The following RIT2 variants were observed in gnomAD, a reference collection of about 807,000 sequenced individuals.
RIT2 encodes the protein Ras like without CAAX 2.
In RIT2, 24 loss-of-function variants were observed where a neutral mutation model predicts 23.7. The ratio of observed to expected loss-of-function variants is 1.01; its 90% CI spans 0.73 to 1.43. The LOEUF (loss-of-function observed/expected upper bound fraction) is 1.43, where lower values mean the gene tolerates loss of function less well. Among genes scored for constraint, RIT2 ranks in the 40% most tolerant of loss-of-function variants. RIT2 has a pLI of 0.00. For missense variants in RIT2, 236 were observed against 266.9 expected (o/e 0.88, Z 0.81); for synonymous variants, 107 against 91.1 (o/e 1.17, Z -0.99).
intron 4 of RIT2, among the ~76,000 whole-genome samples, chr18:42,828,466 A>C (rs1906366470): frequency 6.6e-6 from 1 of 152,354 alleles, no homozygotes; most frequent in African/African-American, 2.4e-5. Context: ...CAAGGCTATT[A>C]TTTAGTGATA....
At chr18:42,843,986 G>T (rs117744880) in intron 4 of RIT2, among the ~76,000 whole-genome samples, 3,095 of 152,284 alleles carry the variant, frequency 0.02, 89 homozygotes, top group Admixed American at 0.066. Flanking sequence ...AAAAGAGATA[G>T]AGTCTAATTG....
intron 4 of RIT2, among the ~76,000 whole-genome samples, chr18:42,870,771 GAA>G: frequency 6.7e-6 from 1 of 149,686 alleles, no homozygotes; most frequent in South Asian, 2.1e-4. Context: ...GAGATGATAA[GAA>G]AAAAAAAATT....
chr18:43,043,074 T>C (rs916208060), intron 1 of RIT2, among the ~76,000 whole-genome samples: 1 of 152,302 alleles, frequency 6.6e-6, no homozygotes, highest in East Asian at 1.9e-4. Flanking sequence ...TATAGGATTT[T>C]TATTGAAGAC....
intron 4 of RIT2, among the ~76,000 whole-genome samples, chr18:42,884,093 T>C (rs976130495): frequency 1.7e-4 from 26 of 152,178 alleles, no homozygotes; most frequent in African/African-American, 5.8e-4. Context: ...AAAGACGTTC[T>C]CCAGGAGAAA....
At chr18:42,875,148 AT>A (rs1343295532) in intron 4 of RIT2, among the ~76,000 whole-genome samples, 2 of 151,778 alleles carry the variant, frequency 1.3e-5, no homozygotes, top group East Asian at 3.9e-4. Flanking sequence ...CCTGCCATTC[AT>A]TTAGTTTCTC....
intron 4 of RIT2, among the ~76,000 whole-genome samples, chr18:42,853,231 T>C (rs953608978): frequency 1.3e-5 from 2 of 152,194 alleles, no homozygotes; most frequent in African/African-American, 4.8e-5. Flanking sequence ...ATAAAAATGA[T>C]CAAAAAGTAG....
intron 4 of RIT2, among the ~76,000 whole-genome samples, chr18:42,880,009 A>T (rs1907845122): frequency 6.6e-6 from 1 of 152,180 alleles, no homozygotes; most frequent in African/African-American, 2.4e-5. Flanking sequence ...CTTGTAATAT[A>T]TAGTCACCCA....
intron 2 of RIT2, among the ~76,000 whole-genome samples, chr18:43,026,277 C>T (rs927563816): frequency 5.9e-5 from 9 of 151,848 alleles, no homozygotes; most frequent in Admixed American, 2.6e-4. Flanking sequence ...AAAGGTTGGC[C>T]GGGCACGGTG....
At chr18:42,777,126 T>G (rs1913690347) in intron 4 of RIT2, among the ~76,000 whole-genome samples, 1 of 151,980 alleles carries the variant, frequency 6.6e-6, no homozygotes, top group Non-Finnish European at 1.5e-5. Flanking sequence ...TTTGGGTGAA[T>G]AATGTGCTAT....
chr18:43,070,690 T>A (rs572673845), intron 1 of RIT2, among the ~76,000 whole-genome samples: 20 of 152,324 alleles, frequency 1.3e-4, no homozygotes, highest in Admixed American at 1.2e-3. Context: ...ATTAAGTGCA[T>A]CAGCTATTAT....
chr18:42,749,590 G>A (rs527883897), intron 4 of RIT2, among the ~76,000 whole-genome samples: 1 of 151,724 alleles, frequency 6.6e-6, no homozygotes, highest in East Asian at 1.9e-4. Flanking sequence ...GGGTGATGAA[G>A]AAAAATAAGT....
chr18:42,749,900 T>C (rs543996661), intron 4 of RIT2, among the ~76,000 whole-genome samples: 2 of 151,492 alleles, frequency 1.3e-5, no homozygotes, highest in South Asian at 4.2e-4. Flanking sequence ...GACATGCAAA[T>C]TGTTTACAGT....
At chr18:42,821,622 T>A (rs976002438) in intron 4 of RIT2, among the ~76,000 whole-genome samples, 1 of 152,098 alleles carries the variant, frequency 6.6e-6, no homozygotes, top group East Asian at 1.9e-4. Flanking sequence ...AATGCACAGG[T>A]AGCCCCCTCT....
intron 4 of RIT2, among the ~76,000 whole-genome samples, chr18:42,793,790 G>C (rs938757576): frequency 5.3e-5 from 8 of 152,040 alleles, no homozygotes; most frequent in Admixed American, 4.6e-4. Context: ...TGATCCACTG[G>C]GTCAAATACT....
At chr18:42,812,410 C>G (rs1284017065) in intron 4 of RIT2, among the ~76,000 whole-genome samples, 4 of 152,036 alleles carry the variant, frequency 2.6e-5, no homozygotes, top group Non-Finnish European at 5.9e-5. Context: ...TGTTTTAAGT[C>G]CTTTAAAGTC....
chr18:42,942,059 T>C (rs1909615505), intron 3 of RIT2, among the ~76,000 whole-genome samples: 1 of 152,008 alleles, frequency 6.6e-6, no homozygotes, highest in African/African-American at 2.4e-5. Flanking sequence ...TATGTATGAC[T>C]CATCAAAAAA....
intron 4 of RIT2, among the ~76,000 whole-genome samples, chr18:42,905,265 G>T (rs1239795825): frequency 6.6e-6 from 1 of 152,064 alleles, no homozygotes; most frequent in African/African-American, 2.4e-5. Flanking sequence ...AAATAAATTA[G>T]ATTTGTATAT....
At chr18:43,093,610 A>C (rs1913476784) in intron 1 of RIT2, among the ~76,000 whole-genome samples, 1 of 151,978 alleles carries the variant, frequency 6.6e-6, no homozygotes, top group African/African-American at 2.4e-5. Context: ...AGGTGATGAA[A>C]CCTATCAGCA....
intron 4 of RIT2, among the ~76,000 whole-genome samples, chr18:42,765,850 A>G (rs1275988366): frequency 1.3e-5 from 2 of 152,204 alleles, no homozygotes; most frequent in East Asian, 3.9e-4. Context: ...TTGAATCATG[A>G]GGGCTGGTCT....
Sources: gnomAD v4.1 joint callset for allele counts (sites outside exome capture counted in the v4.1 genomes callset) on GRCh38, gnomAD v4.1.1 for gene constraint, MANE v1.5 for transcripts, NCBI Gene and HGNC (gene_info 2026-07-23, HGNC 2026-07-21) for gene names.